The following GALNT2 variants were observed in gnomAD, a reference collection of about 807,000 sequenced individuals.
GALNT2 encodes the protein polypeptide N-acetylgalactosaminyltransferase 2.
A neutral mutation model predicts 81.4 loss-of-function variants in GALNT2; 31 were observed. That is an observed-to-expected ratio of 0.38 (90% confidence interval 0.29 to 0.51). The LOEUF is 0.51. Ranked by LOEUF, GALNT2 falls within the 20% of genes least tolerant of loss-of-function variation. The pLI, the probability that GALNT2 is intolerant of heterozygous loss-of-function variation, is 0.87. For missense variants in GALNT2, 629 were observed against 765.7 expected, an observed-to-expected ratio of 0.82 and a Z score of 2.11; for synonymous variants, 303 against 287.4, an observed-to-expected ratio of 1.05 and a Z score of -0.55.
At chr1:230,144,597 C>T (rs1368814750) in intron 1 of GALNT2, among the ~76,000 whole-genome samples, 1 of 152,100 alleles carries the variant, frequency 6.6e-6, no homozygotes, top group African/African-American at 2.4e-5. Flanking sequence ...TACCAAGCAC[C>T]CACCAGGATT....
In GALNT2 at chr1:230,243,216, T is replaced by C; in HGVS notation, c.608-90T>C. 2 of 1,473,964 alleles carry C rather than the reference T, an allele frequency of 1.4e-6. No individual in the cohort carries two copies. The highest frequency in any genetic ancestry group is 1.8e-6 in the Non-Finnish European group (2 of 1,112,636). The allele number at this position is 1,473,964 out of a possible 1,614,324, so 91.3% of individuals were successfully genotyped here. On this transcript the variant is annotated intron_variant, in intron 6 of 15. Coordinates refer to ENST00000366672, the MANE Select transcript of GALNT2 (RefSeq NM_004481.5). The surrounding 1 kb of genome is among the most constrained non-coding windows in gnomAD (Gnocchi z 4.2). ...GTGCCCAGAAAGCAGGCTGCAGAGC[T>C]GCGGGCAGGGAGGCGTCGCCGGTTG...
In GALNT2 at chr1:230,178,236, G is replaced by C. The variant is rs1384124277; in HGVS notation, c.145G>C (p.Asp49His). ...CCCCTAGGAGGACTGGAATGAAATTGACCCCATTAAAAAGAAAGACCTTCA... is the reference window on the plus strand; with the variant it reads ...CCCCTAGGAGGACTGGAATGAAATTCACCCCATTAAAAAGAAAGACCTTCA... ...AGRKEDWNEIDPIKKKDLHHS... is the reference protein window; with the variant it reads ...AGRKEDWNEIHPIKKKDLHHS... The change falls in exon 2 of 16, where the codon GAC becomes CAC. Residue 49 changes from aspartate to histidine, a missense_variant. Transcript: ENST00000366672. The C allele has an allele frequency of 4.3e-6, 7 of 1,613,930 alleles. 1 individual carries two copies. The South Asian group carries it at 5.5e-5, about 13-fold the overall frequency.
intron 2 of GALNT2, among the ~76,000 whole-genome samples, chr1:230,189,491 C>G (rs1430238308): frequency 1.3e-5 from 2 of 152,324 alleles, no homozygotes; most frequent in Non-Finnish European, 1.5e-5. Flanking sequence ...GACGTTTTAG[C>G]TTTTCTACTT....
At chr1:230,230,521 C>T (rs547069697) in intron 3 of GALNT2, among the ~76,000 whole-genome samples, 133 of 152,254 alleles carry the variant, frequency 8.7e-4, no homozygotes, top group African/African-American at 3.0e-3. Flanking sequence ...AGATTTGCTC[C>T]TACACAGGAC....
intron 11 of GALNT2, among the ~76,000 whole-genome samples, chr1:230,260,559 A>T (rs555279525): frequency 6.6e-6 from 1 of 152,356 alleles, no homozygotes; most frequent in South Asian, 2.1e-4. Context: ...AACCTAGGAC[A>T]TTCTGGAATC....
intron 1 of GALNT2, among the ~76,000 whole-genome samples, chr1:230,076,620 A>G (rs560858381): frequency 6.6e-6 from 1 of 152,142 alleles, no homozygotes; most frequent in Non-Finnish European, 1.5e-5. Flanking sequence ...TTCATGGCCA[A>G]TCTCAGGGAG....
At chr1:230,112,800 T>TGGGGGGGGGGG (rs200649766) in intron 1 of GALNT2, among the ~76,000 whole-genome samples, 22 of 75,790 alleles carry the variant, frequency 2.9e-4, no homozygotes, top group East Asian at 5.4e-4. Flanking sequence ...GGCAGGGGGG[T>TGGGGGGGGGGG]GGGGGGGACC....
chr1:230,259,060 A>G (rs897395800), intron 11 of GALNT2: 3 of 152,250 alleles, frequency 2.0e-5, no homozygotes, highest in Non-Finnish European at 4.4e-5. Flanking sequence ...ACCTTCAGCC[A>G]GGTTGCTCTT....
intron 1 of GALNT2, among the ~76,000 whole-genome samples, chr1:230,163,651 TCACAGCAGC>T (rs1210109695): frequency 6.6e-6 from 1 of 152,252 alleles, no homozygotes; most frequent in Non-Finnish European, 1.5e-5. Flanking sequence ...CCCGAGCTGC[TCACAGCAGC>T]TCACTGTCTT....
chr1:230,251,506 A>G (rs1232974962), intron 10 of GALNT2, among the ~76,000 whole-genome samples: 1 of 152,194 alleles, frequency 6.6e-6, no homozygotes, highest in Non-Finnish European at 1.5e-5. Flanking sequence ...TTTGATGTTG[A>G]AAGCTTCTTT....
chr1:230,104,865 A>AG (rs530451688), intron 1 of GALNT2, among the ~76,000 whole-genome samples: 351 of 152,356 alleles, frequency 2.3e-3, no homozygotes, highest in Non-Finnish European at 3.8e-3. Flanking sequence ...CAGCTGACTT[A>AG]GGGAAATGCC....
At chr1:230,187,917 G>T (rs957987342) in intron 2 of GALNT2, among the ~76,000 whole-genome samples, 2 of 150,154 alleles carry the variant, frequency 1.3e-5, no homozygotes, top group Non-Finnish European at 1.5e-5. Flanking sequence ...TGCTGGTAGG[G>T]CCTGGGGTTT....
intron 2 of GALNT2, among the ~76,000 whole-genome samples, chr1:230,185,695 A>G (rs995040648): frequency 4.6e-5 from 7 of 152,088 alleles, no homozygotes; most frequent in African/African-American, 1.7e-4. Context: ...CTTCTTTCAA[A>G]ATGGTTATTT....
At chr1:230,200,602 GAGAGCACAA>G (rs1663860797) in intron 2 of GALNT2, among the ~76,000 whole-genome samples, 1 of 152,226 alleles carries the variant, frequency 6.6e-6, no homozygotes, top group South Asian at 2.1e-4. Context: ...GTGGGGGTGT[GAGAGCACAA>G]AGAGATGTAT....
intron 2 of GALNT2, among the ~76,000 whole-genome samples, chr1:230,191,574 C>G (rs1197023061): frequency 6.6e-6 from 1 of 152,182 alleles, no homozygotes; most frequent in Non-Finnish European, 1.5e-5. Context: ...TGCAGTAGTG[C>G]AATCATAGCT....
intron 2 of GALNT2, among the ~76,000 whole-genome samples, chr1:230,183,976 C>CAAA: frequency 7.4e-6 from 1 of 135,592 alleles, no homozygotes; most frequent in Admixed American, 7.4e-5. Context: ...GACTACAACT[C>CAAA]AAAAAAAAAA....
chr1:230,143,453 C>T (rs1459034236), intron 1 of GALNT2, among the ~76,000 whole-genome samples: 6 of 152,184 alleles, frequency 3.9e-5, no homozygotes, highest in African/African-American at 9.7e-5. Context: ...CACACAGCAC[C>T]GCTGCCCATC....
At chr1:230,133,814 G>A (rs1015216789) in intron 1 of GALNT2, among the ~76,000 whole-genome samples, 61 of 152,110 alleles carry the variant, frequency 4.0e-4, no homozygotes, top group African/African-American at 1.2e-3. Flanking sequence ...ACCTGATCCC[G>A]TAGCCTGCTT....
chr1:230,203,182 G>A lies in GALNT2; in HGVS notation c.266G>A (p.Gly89Glu). The A allele has an allele frequency of 6.2e-7, 1 of 1,614,116 alleles. No homozygotes were observed. The highest frequency in any genetic ancestry group is 1.1e-5 in the South Asian group (1 of 91,072). Residue 89 changes from glycine to glutamate, a missense_variant, in exon 3 of 16, where the codon GGG (glycine) becomes GAG (glutamate). Physicochemically the swap from Gly to Glu is moderately conservative, Grantham distance 98. Around this residue, in one of 3 missense-constraint regions of GALNT2, gnomAD observed 360 missense variants for 492.8 expected, o/e 0.73. Coordinates refer to ENST00000366672, the MANE Select transcript of GALNT2 (RefSeq NM_004481.5). ...TTTAACCAGGAAGCTTATGTTGGAGGGACGATGGTCCGCTCCGGGCAGGAC... is the reference window on the plus strand; with the variant it reads ...TTTAACCAGGAAGCTTATGTTGGAGAGACGATGGTCCGCTCCGGGCAGGAC... ...PDFNQEAYVG[G>E]TMVRSGQDPY...
Sources: gnomAD v4.1 joint callset for allele counts (sites outside exome capture counted in the v4.1 genomes callset) on GRCh38, gnomAD v4.1.1 for gene constraint, gnomAD v4.1.1 regional missense constraint, Gnocchi (gnomAD v3.1) non-coding constraint, MANE v1.5 for transcripts, NCBI Gene and HGNC (gene_info 2026-07-23, HGNC 2026-07-21) for gene names.